Variants in OPTN observed in about 807,000 individuals in gnomAD.
The protein encoded by OPTN is E3-14.7K-interacting protein.
OPTN carries 54 observed loss-of-function variants against 70.4 expected under a neutral mutation model. The ratio of observed to expected loss-of-function variants is 0.77; its 90% CI spans 0.62 to 0.96. The LOEUF is 0.96. Ranked by LOEUF, OPTN falls within the 40% of genes least tolerant of loss-of-function variation. The pLI is 0.00. For missense variants in OPTN, 624 were observed against 673.2 expected (o/e 0.93, Z 0.81); for synonymous variants, 256 against 248.5 (o/e 1.03, Z -0.28).
intron 4 of OPTN, among the ~76,000 whole-genome samples, 189 bp downstream of exon 4, chr10:13,110,665 C>T (rs886398478): frequency 1.3e-5 from 2 of 152,024 alleles, no homozygotes; most frequent in Non-Finnish European, 2.9e-5. Context: ...TGGATAATCT[C>T]TTTTAGAAGA....
intron 6 of OPTN, 41 bp from the exon 7 acceptor site, chr10:13,118,847 A>T: frequency 6.3e-7 from 1 of 1,594,856 alleles, no homozygotes; most frequent in Non-Finnish European, 8.6e-7. Flanking sequence ...TAGTCTTTGG[A>T]ATTTTTCTGA....
rs189775231 is a variant in OPTN, at chr10:13,106,935, C to T, written c.-163-1203C>T. On this transcript the variant is annotated intron_variant, in intron 1 of 14. Transcript: ENST00000378747. ...AGTGGCTGATGGATCTCATTGAGAC[C>T]AGTGCCTTTCCCCCGTTAGAAATGG... Among the ~76,000 whole-genome samples the T allele has an allele frequency of 6.2e-3, 951 of 152,246 alleles. 9 individuals are homozygous for T. The highest frequency in any genetic ancestry group is 0.022 in the African/African-American group (901 of 41,548).
At chr10:13,118,734 C>T (rs1304592699) in intron 6 of OPTN, among the ~76,000 whole-genome samples, 154 bp from the exon 7 acceptor site, 1 of 152,200 alleles carries the variant, frequency 6.6e-6, no homozygotes, top group East Asian at 1.9e-4. Flanking sequence ...ACTGGGGGTC[C>T]CAGGACCAGC....
chr10:13,124,329 A>G (rs1833414376), intron 9 of OPTN, among the ~76,000 whole-genome samples: 1 of 152,308 alleles, frequency 6.6e-6, no homozygotes, highest in South Asian at 2.1e-4. Context: ...TAATTCTGCC[A>G]TTTAGGGGCA....
At chr10:13,113,785 T>C (rs965577965) in intron 5 of OPTN, among the ~76,000 whole-genome samples, 1 of 152,102 alleles carries the variant, frequency 6.6e-6, no homozygotes, top group African/African-American at 2.4e-5. Flanking sequence ...TGGCCGGGTG[T>C]AATGGCTCAC....
At chr10:13,108,893 CAT>C (rs1413690115) in intron 2 of OPTN, 5 of 549,090 alleles carry the variant, frequency 9.1e-6, no homozygotes, top group African/African-American at 4.0e-5. Context: ...CACACACACA[CAT>C]GCACACATGC....
intron 8 of OPTN, chr10:13,123,007 C>T (rs995539731): frequency 2.4e-5 from 4 of 168,950 alleles, no homozygotes; most frequent in African/African-American, 4.8e-5. Context: ...TTCTACAAAA[C>T]GATTTCCTAT....
intron 12 of OPTN, chr10:13,131,484 A>G (rs1277047517): frequency 6.5e-6 from 1 of 154,258 alleles, no homozygotes; most frequent in African/African-American, 2.4e-5. Context: ...TCAAATGCTG[A>G]TTTGGCCACT....
rs553891747 is a variant in OPTN, at chr10:13,128,362, T to A, written c.1401+459T>A. On this transcript the variant is annotated intron_variant, in intron 12 of 14. Transcript: ENST00000378747. ...ACCAACACTTCTATTATCAGTCATT[T>A]TCCTTTAACCACTCTGGAGGGTATA... 3.9e-3 allele frequency among the ~76,000 whole-genome samples: 593 copies of A among 152,252 alleles called. 6 individuals carry two copies. Among genetic ancestry groups the A allele is most frequent in the African/African-American group, 0.014 (573 of 41,542 alleles).
At chr10:13,127,184 GTTGCCCAGAA>G (rs957812042) in intron 11 of OPTN, among the ~76,000 whole-genome samples, 1 of 152,158 alleles carries the variant, frequency 6.6e-6, no homozygotes, top group African/African-American at 2.4e-5. Context: ...GTTTTGCCAT[GTTGCCCAGAA>G]TGGTTTTGAA....
chr10:13,110,130 T>C, intron 3 of OPTN, 144 bp from the exon 4 acceptor site: 2 of 1,468,970 alleles, frequency 1.4e-6, no homozygotes, highest in Non-Finnish European at 1.8e-6. Context: ...ACTTCGTCTT[T>C]TTGCTGCTGA....
rs1351411484 is a variant in OPTN at position 13,109,118 on chromosome 10, C to A, written c.-5C>A. On this transcript the variant is annotated 5_prime_UTR_variant, in exon 3 of 15. It adds an upstream start codon to the 5' untranslated region. Coordinates refer to ENST00000378747, the MANE Select transcript of OPTN (RefSeq NM_001008212.2). ...ACAGGTGACTTTTCCACAGGAACTT[C>A]TGCAATGTCCCATCAACCTCTCAGC... 3 of 1,613,934 alleles carry A rather than the reference C, an allele frequency of 1.9e-6. No homozygotes were observed. Among genetic ancestry groups the A allele is most frequent in the South Asian group, 2.2e-5 (2 of 91,082 alleles).
At chr10:13,106,302 C>CA (rs1023551946) in intron 1 of OPTN, among the ~76,000 whole-genome samples, 3 of 152,020 alleles carry the variant, frequency 2.0e-5, no homozygotes, top group African/African-American at 2.4e-5. Flanking sequence ...ATTCTGGGTA[C>CA]AAAAAAATGA....
chr10:13,114,347 G>A (rs1176921181), intron 5 of OPTN, among the ~76,000 whole-genome samples: 1 of 152,072 alleles, frequency 6.6e-6, no homozygotes, highest in South Asian at 2.1e-4. Context: ...TTTTGCCAGA[G>A]TACCCCTTCT....
intron 6 of OPTN, 117 bp downstream of exon 6, chr10:13,116,457 A>C: frequency 1.3e-6 from 1 of 752,824 alleles, no homozygotes; most frequent in Non-Finnish European, 2.4e-6. Context: ...TATGATTTAT[A>C]CCAGGATCTT....
intron 7 of OPTN, among the ~76,000 whole-genome samples, chr10:13,119,568 T>C (rs1833297069): frequency 6.6e-6 from 1 of 152,184 alleles, no homozygotes; most frequent in Non-Finnish European, 1.5e-5. Flanking sequence ...GGGTATATCG[T>C]TATGGGTGGA....
At chr10:13,128,372 C>G (rs1204250795) in intron 12 of OPTN, among the ~76,000 whole-genome samples, 1 of 152,070 alleles carries the variant, frequency 6.6e-6, no homozygotes, top group Non-Finnish European at 1.5e-5. Context: ...TTCCTTTAAC[C>G]ACTCTGGAGG....
chr10:13,105,964 T>A (rs1832857569), intron 1 of OPTN, among the ~76,000 whole-genome samples: 1 of 151,730 alleles, frequency 6.6e-6, no homozygotes, highest in Non-Finnish European at 1.5e-5. Flanking sequence ...CAAAGAAACG[T>A]CTCTCTCTTT....
chr10:13,112,021 T>C (rs1833016515), intron 4 of OPTN, among the ~76,000 whole-genome samples: 2 of 151,644 alleles, frequency 1.3e-5, no homozygotes, highest in African/African-American at 4.8e-5. Flanking sequence ...CTAATCTTTT[T>C]GTATTTTTAG....
Sources: gnomAD v4.1 joint callset for allele counts (sites outside exome capture counted in the v4.1 genomes callset) on GRCh38, gnomAD v4.1.1 for gene constraint, MANE v1.5 for transcripts, NCBI Gene and HGNC (gene_info 2026-07-23, HGNC 2026-07-21) for gene names.